ME1: variants seen among roughly 807,000 people sequenced by gnomAD.
The protein encoded by ME1 is NADP-dependent malic enzyme.
A neutral mutation model predicts 66.4 loss-of-function variants in ME1; 74 were observed. That is an observed-to-expected ratio of 1.11 (90% confidence interval 0.92 to 1.35). ME1 has a LOEUF of 1.35. Ranked by LOEUF, ME1 falls within the 40% of genes most tolerant of loss-of-function variation. The probability of loss-of-function intolerance (pLI) is 0.00; values close to 1 mark genes in which losing one functional copy is unlikely to be tolerated. For synonymous variants in ME1, 251 were observed against 235.6 expected (o/e 1.07, Z -0.60); for missense variants, 750 against 694.1 (o/e 1.08, Z -0.90).
intron 6 of ME1, among the ~76,000 whole-genome samples, chr6:83,283,612 A>G (rs190997853): frequency 1.1e-4 from 16 of 152,298 alleles, no homozygotes; most frequent in African/African-American, 3.6e-4. Context: ...CAAACAAACA[A>G]AAAACCCCAA....
chr6:83,357,789 C>T (rs1768918736), intron 3 of ME1, among the ~76,000 whole-genome samples: 1 of 151,174 alleles, frequency 6.6e-6, no homozygotes, highest in Non-Finnish European at 1.5e-5. Context: ...CCTCGAACAT[C>T]GAACTCCAAG....
intron 8 of ME1, among the ~76,000 whole-genome samples, chr6:83,238,635 T>G (rs1441313453): frequency 1.3e-5 from 2 of 152,024 alleles, no homozygotes; most frequent in African/African-American, 4.8e-5. Flanking sequence ...TCTGAATACT[T>G]TCACATATTT....
intron 11 of ME1, among the ~76,000 whole-genome samples, chr6:83,226,494 T>C (rs1790200852): frequency 6.6e-6 from 1 of 152,112 alleles, no homozygotes; most frequent in Admixed American, 6.5e-5. Flanking sequence ...AATCTAGAGA[T>C]GAGATAAAAA....
At chr6:83,396,677 G>A (rs1246802703) in intron 3 of ME1, among the ~76,000 whole-genome samples, 2 of 152,004 alleles carry the variant, frequency 1.3e-5, no homozygotes, top group African/African-American at 2.4e-5. Context: ...GCAATCTTAG[G>A]CAAAAAGAAC....
intron 5 of ME1, among the ~76,000 whole-genome samples, chr6:83,330,615 A>G (rs935211080): frequency 6.6e-6 from 1 of 152,092 alleles, no homozygotes; most frequent in African/African-American, 2.4e-5. Flanking sequence ...TCTACTTCCT[A>G]CTAGGTTTCT....
At chr6:83,271,952 C>A (rs1470910797) in intron 6 of ME1, among the ~76,000 whole-genome samples, 2 of 152,148 alleles carry the variant, frequency 1.3e-5, no homozygotes, top group Non-Finnish European at 2.9e-5. Context: ...ATAATAATCA[C>A]ATCATGGAAG....
chr6:83,280,091 A>T (rs1172046170), intron 6 of ME1, among the ~76,000 whole-genome samples: 3 of 152,198 alleles, frequency 2.0e-5, no homozygotes, highest in Admixed American at 1.3e-4. Context: ...TTGTCAGTAG[A>T]CCTGCCTTGC....
At position 83,255,901 on chromosome 6, in the gene ME1, T is replaced by C. The variant is rs117468201; in HGVS notation, c.705-2163A>G. On this transcript the variant is annotated intron_variant, in intron 6 of 13. Coordinates refer to ENST00000369705, the MANE Select transcript of ME1 (RefSeq NM_002395.6). ...CAGGCACACAGGTATACCACATTGG[T>C]ATTGCTCAGTAATGATAGTCTAACA... Among the ~76,000 whole-genome samples the C allele has an allele frequency of 7.0e-3, 1,060 of 152,278 alleles. 9 individuals carry two copies. The highest frequency in any genetic ancestry group is 0.011 in the Non-Finnish European group (718 of 68,010).
intron 3 of ME1, among the ~76,000 whole-genome samples, chr6:83,376,894 T>C (rs1769303069): frequency 6.6e-6 from 1 of 151,754 alleles, no homozygotes. Context: ...GTAAGTCTAA[T>C]TCACCTGTAA....
chr6:83,227,899 A>C (rs1299073537), intron 10 of ME1, among the ~76,000 whole-genome samples: 1 of 152,240 alleles, frequency 6.6e-6, no homozygotes, highest in Non-Finnish European at 1.5e-5. Context: ...GCAAAAGTAA[A>C]GTACCACCCA....
chr6:83,225,343 G>A (rs1053666662), intron 11 of ME1, among the ~76,000 whole-genome samples: 1 of 151,710 alleles, frequency 6.6e-6, no homozygotes, highest in African/African-American at 2.4e-5. Context: ...TTCAAAGTAG[G>A]AATCAGAAAC....
intron 4 of ME1, among the ~76,000 whole-genome samples, chr6:83,347,322 A>G (rs1012207613): frequency 6.6e-6 from 1 of 152,182 alleles, no homozygotes; most frequent in African/African-American, 2.4e-5. Context: ...GGAGATTTTA[A>G]TTCTATGTAA....
At chr6:83,224,257 T>C (rs868185297) in intron 11 of ME1, among the ~76,000 whole-genome samples, 2 of 152,210 alleles carry the variant, frequency 1.3e-5, no homozygotes, top group African/African-American at 2.4e-5. Context: ...CTTCCAATTA[T>C]AGACATCTGA....
chr6:83,377,755 T>C (rs1769320517), intron 3 of ME1, among the ~76,000 whole-genome samples: 1 of 152,198 alleles, frequency 6.6e-6, no homozygotes, highest in African/African-American at 2.4e-5. Flanking sequence ...ACTATGTTCA[T>C]AGCTGGGAAG....
At chr6:83,359,494 C>A (rs1768965373) in intron 3 of ME1, among the ~76,000 whole-genome samples, 1 of 152,102 alleles carries the variant, frequency 6.6e-6, no homozygotes, top group South Asian at 2.1e-4. Context: ...TTTGGGGCCA[C>A]TAAATAGGAA....
chr6:83,346,251 C>G lies in ME1; in HGVS notation c.522G>C (p.Leu174Phe), dbSNP rs1315834357. Residue 174 changes from leucine (L) to phenylalanine (F), a missense_variant, in exon 5 of 14, where the codon TTG becomes TTC. Transcript: ENST00000369705. ...CNGMGIPVGK[L>F]ALYTACGGMN... ...TCCCTCCGCAAGCTGTATATAGAGCCAATTTACCCACAGGGATGCCCATTC... is the reference window on the plus strand; with the variant it reads ...TCCCTCCGCAAGCTGTATATAGAGCGAATTTACCCACAGGGATGCCCATTC... The G allele has an allele frequency of 6.2e-7, 1 of 1,613,368 alleles. No homozygotes were observed. Among genetic ancestry groups the G allele is most frequent in the African/African-American group, 1.3e-5 (1 of 74,870 alleles).
chr6:83,425,554 C>T (rs1313294908), intron 1 of ME1, among the ~76,000 whole-genome samples: 3 of 152,078 alleles, frequency 2.0e-5, no homozygotes, highest in African/African-American at 7.2e-5. Context: ...CATCAGATCT[C>T]GTGAGAACTC....
At chr6:83,329,516 G>A (rs117556624) in intron 5 of ME1, among the ~76,000 whole-genome samples, 3,136 of 152,032 alleles carry the variant, frequency 0.021, 52 homozygotes, top group Middle Eastern at 0.075. Flanking sequence ...CTCAAATAAG[G>A]TATCTTTTCA....
chr6:83,376,541 C>T (rs527853121), intron 3 of ME1, among the ~76,000 whole-genome samples: 4 of 151,282 alleles, frequency 2.6e-5, no homozygotes, highest in African/African-American at 9.7e-5. Flanking sequence ...TAGCTCACAC[C>T]TGTAATCCCA....
Sources: allele counts gnomAD v4.1 joint callset (sites outside exome capture counted in the v4.1 genomes callset), GRCh38; gene constraint gnomAD v4.1.1; transcripts MANE v1.5; gene names NCBI Gene and HGNC (gene_info 2026-07-23, HGNC 2026-07-21).